RBFOX3: variants seen among roughly 807,000 people sequenced by gnomAD.
RBFOX3 encodes RNA binding fox-1 homolog 3.
Under a neutral mutation model 48.7 loss-of-function variants are expected in RBFOX3, and 17 were observed. That is an observed-to-expected ratio of 0.35 (90% CI 0.24 to 0.52). The LOEUF (loss-of-function observed/expected upper bound fraction) is 0.52. RBFOX3 is among the 20% of genes least tolerant of loss of function. The probability of loss-of-function intolerance (pLI) is 0.94; values close to 1 mark genes in which losing one functional copy is unlikely to be tolerated. For missense variants in RBFOX3, 382 were observed against 497.5 expected (o/e 0.77, Z 2.21); for synonymous variants, 212 against 209.5 (o/e 1.01, Z -0.10).
At chr17:79,651,318 A>G in the RBFOX3 span, among the ~76,000 whole-genome samples, 2 of 152,292 alleles carry the variant, frequency 1.3e-5, no homozygotes. Flanking sequence ...GGTCTTAAAC[A>G]TAAGGGGAAA....
rs1007456651 is a variant in RBFOX3 at position 79,198,880 on chromosome 17, C to T, written c.-34+36886G>A. 9.2e-5 allele frequency among the ~76,000 whole-genome samples: 14 copies of T among 152,314 alleles called. No homozygotes were observed. Among genetic ancestry groups the T allele is most frequent in the East Asian group, 3.9e-4 (2 of 5,188 alleles). On this transcript the variant is annotated intron_variant, in intron 4 of 14. Coordinates refer to ENST00000693108, the MANE Select transcript of RBFOX3 (RefSeq NM_001350451.2). The surrounding 1 kb of genome is among the most constrained non-coding windows in gnomAD (Gnocchi z 8.2). ...CTGACCTCAGGTGATCCACTCGCCT[C>T]GGCCTCCCAAAGTGCTGGGATTACA...
At chr17:79,091,080 A>G (rs2073797160) in intron 14 of RBFOX3, among the ~76,000 whole-genome samples, 195 bp from the exon 15 acceptor site, 1 of 152,318 alleles carries the variant, frequency 6.6e-6, no homozygotes, top group Admixed American at 6.5e-5. Context: ...CAGGCAGCCC[A>G]GGATGGGAGG....
At chr17:79,298,605 C>A (rs1296381041) in intron 3 of RBFOX3, among the ~76,000 whole-genome samples, 2 of 152,148 alleles carry the variant, frequency 1.3e-5, no homozygotes, top group African/African-American at 4.8e-5. Context: ...ACCAGGAGAA[C>A]AGCAGGGCAT....
intron 2 of RBFOX3, among the ~76,000 whole-genome samples, chr17:79,321,724 TA>T (rs1568038127): frequency 6.8e-6 from 1 of 146,948 alleles, no homozygotes; most frequent in Non-Finnish European, 1.5e-5. Flanking sequence ...TTTTTTTTTA[TA>T]GACGGAGTCT....
Position 79,145,223 on chromosome 17 carries a change from G to A in RBFOX3, c.-33-29475C>T, listed in dbSNP as rs145799703. ...CAGGACCCCCAACACAGGAGCCTGC[G>A]CACGTCCTATCCGAGTGTGCACCTG... is the stretch of plus-strand genomic sequence containing the variant. On this transcript the variant is annotated intron_variant, in intron 4 of 14. Coordinates refer to ENST00000693108, the MANE Select transcript of RBFOX3 (RefSeq NM_001350451.2). 1.1e-3 allele frequency among the ~76,000 whole-genome samples: 172 copies of A among 152,304 alleles called. 1 individual carries two copies. The highest frequency in any genetic ancestry group is 2.1e-3 in the South Asian group (10 of 4,826).
intron 4 of RBFOX3, among the ~76,000 whole-genome samples, chr17:79,218,151 T>C (rs1246218664): frequency 2.6e-5 from 4 of 151,220 alleles, no homozygotes; most frequent in Non-Finnish European, 4.4e-5. Context: ...TTTTTGAGTG[T>C]GAGTTTGAGG....
Position 79,311,678 on chromosome 17 carries a change from G to A in RBFOX3, c.-174-3854C>T, listed in dbSNP as rs146926926. ...TGAGTCAGGCCCTCTGGGGTCTCTC[G>A]CAGGTTGGGCTCCTGGAGCTGACTC... is the stretch of plus-strand genomic sequence containing the variant. On this transcript the variant is annotated intron_variant, in intron 2 of 14. Transcript: ENST00000693108. This position sits in a 1 kb window ranked among gnomAD's most constrained non-coding sequence, Gnocchi z 4.2. Among the ~76,000 whole-genome samples, 4 of 152,210 alleles carry A rather than the reference G, an allele frequency of 2.6e-5. No homozygotes were observed. Among genetic ancestry groups the A allele is most frequent in the East Asian group, 3.9e-4 (2 of 5,176 alleles).
intron 2 of RBFOX3, among the ~76,000 whole-genome samples, chr17:79,381,430 T>G (rs1484918034): frequency 2.0e-5 from 3 of 152,176 alleles, no homozygotes; most frequent in African/African-American, 7.2e-5. Flanking sequence ...AGCGCGTGTG[T>G]CCCCATCACA....
intron 1 of RBFOX3, among the ~76,000 whole-genome samples, chr17:79,564,674 C>T (rs1278318885): frequency 6.6e-6 from 1 of 152,156 alleles, no homozygotes; most frequent in African/African-American, 2.4e-5. Context: ...AAACAGCCGA[C>T]AGTACAGGAA....
At chr17:79,528,968 T>C (rs1426845527) in intron 1 of RBFOX3, among the ~76,000 whole-genome samples, 1 of 152,154 alleles carries the variant, frequency 6.6e-6, no homozygotes, top group Non-Finnish European at 1.5e-5. Context: ...TCAAAACATA[T>C]TTGGCAGAAT....
rs1045651498 is a variant in RBFOX3 at position 79,131,432 on chromosome 17, C to T, written c.-33-15684G>A. ...TTGGTAGCACCTCCACCCACAGACG[C>T]GGCTGCAAACCCCACGGCGTGAGCC... On this transcript the variant is annotated intron_variant, in intron 4 of 14. Transcript: ENST00000693108. 3.3e-5 allele frequency among the ~76,000 whole-genome samples: 5 copies of T among 152,212 alleles called. No homozygotes were observed. The East Asian group carries it at 7.7e-4, about 23-fold the overall frequency.
At chr17:79,170,151 A>G (rs1260551077) in intron 4 of RBFOX3, among the ~76,000 whole-genome samples, 2 of 146,436 alleles carry the variant, frequency 1.4e-5, no homozygotes, top group South Asian at 2.3e-4. Context: ...GGAAGGAAGG[A>G]AGGGAGGAGG....
chr17:79,213,720 A>G (rs1201959980), intron 4 of RBFOX3, among the ~76,000 whole-genome samples: 1 of 152,116 alleles, frequency 6.6e-6, no homozygotes, highest in Non-Finnish European at 1.5e-5. Context: ...ACCGCCAACA[A>G]ATGTTGACCA....
At chr17:79,316,406 C>A (rs1438350625) in intron 2 of RBFOX3, among the ~76,000 whole-genome samples, 1 of 152,214 alleles carries the variant, frequency 6.6e-6, no homozygotes, top group African/African-American at 2.4e-5. Flanking sequence ...AGACTCAGGG[C>A]CCACCTGAGT....
chr17:79,156,600 C>T (rs961549682), intron 4 of RBFOX3, among the ~76,000 whole-genome samples: 23 of 152,312 alleles, frequency 1.5e-4, no homozygotes, highest in African/African-American at 3.8e-4. Context: ...AAATCTGGCC[C>T]GCTGCTTCTC....
intron 4 of RBFOX3, among the ~76,000 whole-genome samples, chr17:79,232,529 G>C (rs1422748246): frequency 6.6e-6 from 1 of 152,130 alleles, no homozygotes; most frequent in Non-Finnish European, 1.5e-5. Flanking sequence ...CAATTCAATG[G>C]GGGAAAGGAT....
At chr17:79,639,011 A>T in the RBFOX3 span, among the ~76,000 whole-genome samples, 32 of 152,240 alleles carry the variant, frequency 2.1e-4, no homozygotes, top group Non-Finnish European at 3.8e-4. Context: ...AGACTGAATC[A>T]GTAATCAAAA....
At chr17:79,313,227 A>G (rs1006102443) in intron 2 of RBFOX3, among the ~76,000 whole-genome samples, 1 of 152,114 alleles carries the variant, frequency 6.6e-6, no homozygotes, top group Non-Finnish European at 1.5e-5. Context: ...TGGGGTGGGA[A>G]TTATCAAAGG....
intron 3 of RBFOX3, among the ~76,000 whole-genome samples, chr17:79,292,607 CACACACACATACAT>C (rs1478484829): frequency 0.08 from 6,515 of 80,954 alleles, 150 homozygotes; most frequent in Middle Eastern, 0.19. Flanking sequence ...CACGCACACA[CACACACACATACAT>C]GCAGACCCAG....
Sources: gnomAD v4.1 joint callset for allele counts (sites outside exome capture counted in the v4.1 genomes callset) on GRCh38, gnomAD v4.1.1 for gene constraint, Gnocchi (gnomAD v3.1) non-coding constraint, MANE v1.5 for transcripts, NCBI Gene and HGNC (gene_info 2026-07-23, HGNC 2026-07-21) for gene names.